The following AMOTL1 variants were observed in gnomAD, a reference collection of about 807,000 sequenced individuals.
AMOTL1 encodes the protein angiomotin like 1.
AMOTL1 carries 45 observed loss-of-function variants against 102.9 expected under a neutral mutation model. The observed-to-expected ratio is 0.44, with a 90% confidence interval of 0.34 to 0.56. The LOEUF is 0.56. Among genes scored for constraint, AMOTL1 ranks in the 20% least tolerant of loss-of-function variants. The pLI, the probability that AMOTL1 is intolerant of heterozygous loss-of-function variation, is 0.01. For synonymous variants in AMOTL1, 481 were observed against 484.7 expected (o/e 0.99, Z 0.10); for missense variants, 1,114 against 1,225.6 (o/e 0.91, Z 1.36).
At chr11:94,796,991 G>A (rs1318767472) in intron 2 of AMOTL1, 1 of 985,362 alleles carries the variant, frequency 1.0e-6, no homozygotes, top group African/African-American at 1.7e-5. Flanking sequence ...CGTGGCAGTT[G>A]ATTAAATGTG....
upstream of AMOTL1, among the ~76,000 whole-genome samples, chr11:94,764,160 TTG>T (rs1950827804): frequency 6.6e-6 from 1 of 152,180 alleles, no homozygotes; most frequent in Non-Finnish European, 1.5e-5. Flanking sequence ...CCATAATGCT[TTG>T]TGTCTAATCT....
chr11:94,859,604 A>G lies in AMOTL1; in HGVS notation c.2024A>G (p.Glu675Gly). 1 of 1,613,954 alleles carries G rather than the reference A, an allele frequency of 6.2e-7. No individual in the cohort carries two copies. ...CTGGAACTTGTGCGGGAGAAGGAGGAGCGGATCCTGGCCCTGGAGGCCGAC... is the reference window on the plus strand; with the variant it reads ...CTGGAACTTGTGCGGGAGAAGGAGGGGCGGATCCTGGCCCTGGAGGCCGAC... ...ALLELVREKEERILALEADMT... is the reference protein window; with the variant it reads ...ALLELVREKEGRILALEADMT... The change falls in exon 9 of 13, where the codon GAG becomes GGG. Residue 675 changes from glutamate to glycine, a missense_variant. Physicochemically the swap from Glu to Gly is moderately conservative, Grantham distance 98. Transcript: ENST00000433060.
At chr11:94,834,316 G>T (rs568824009) in intron 6 of AMOTL1, among the ~76,000 whole-genome samples, 1 of 152,220 alleles carries the variant, frequency 6.6e-6, no homozygotes, top group Non-Finnish European at 1.5e-5. Context: ...GGCCGGGCGC[G>T]GTGGCTCACG....
intron 2 of AMOTL1, among the ~76,000 whole-genome samples, chr11:94,733,103 T>TG (rs1179370787): frequency 6.6e-6 from 1 of 152,252 alleles, no homozygotes; most frequent in African/African-American, 2.4e-5. Flanking sequence ...AACTGAGTCT[T>TG]GCAAAGGCAA....
intron 4 of AMOTL1, among the ~76,000 whole-genome samples, chr11:94,826,731 T>TAGGC (rs1951972167): frequency 1.3e-5 from 2 of 152,114 alleles, no homozygotes; most frequent in African/African-American, 4.8e-5. Context: ...AGGCCCCACC[T>TAGGC]CCCAATGTCA....
intron 6 of AMOTL1, among the ~76,000 whole-genome samples, chr11:94,834,768 C>T (rs1184063660): frequency 1.3e-5 from 2 of 152,114 alleles, no homozygotes; most frequent in African/African-American, 4.8e-5. Flanking sequence ...AGTCTAAGAA[C>T]ACCCAAACAA....
intron 1 of AMOTL1, among the ~76,000 whole-genome samples, chr11:94,719,310 C>T (rs7350489): frequency 0.23 from 35,298 of 151,808 alleles, 5,105 homozygotes; most frequent in Middle Eastern, 0.32. Flanking sequence ...ACTCAAACCC[C>T]GACACTGTTT....
At chr11:94,748,988 A>T (rs933113470) in intron 3 of AMOTL1, among the ~76,000 whole-genome samples, 1 of 152,208 alleles carries the variant, frequency 6.6e-6, no homozygotes, top group Non-Finnish European at 1.5e-5. Flanking sequence ...TATGGGTTGC[A>T]TTAGGGTTCT....
chr11:94,794,451 GCAGAAGACCAGACCCCATTGCCC>G (rs1373491833), intron 1 of AMOTL1, among the ~76,000 whole-genome samples: 1 of 152,144 alleles, frequency 6.6e-6, no homozygotes, highest in Non-Finnish European at 1.5e-5. Flanking sequence ...CCAGTGCTTG[GCAGAAGACCAGACCCCATTGCCC>G]CAGCTCCACA....
Position 94,870,770 on chromosome 11 carries a change from G to T in AMOTL1, c.2846G>T (p.Gly949Val), listed in dbSNP as rs1334555385. 2.5e-6 allele frequency: 4 copies of T among 1,600,146 alleles called. No homozygotes were observed. The highest frequency in any genetic ancestry group is 8.5e-7 in the Non-Finnish European group (1 of 1,172,164). Residue 949 changes from glycine to valine, a missense_variant, in exon 13 of 13, where the codon GGA (glycine) becomes GTA (valine). Coordinates refer to ENST00000433060, the MANE Select transcript of AMOTL1 (RefSeq NM_130847.3). ...SLLHKPEFPD[G>V]EMMEVLI ...CTGCACAAGCCCGAGTTCCCTGATG[G>T]AGAGATGATGGAAGTCCTCATCTAA...
At chr11:94,712,716 T>C (rs1248450570) in intron 1 of AMOTL1, among the ~76,000 whole-genome samples, 7 of 152,018 alleles carry the variant, frequency 4.6e-5, no homozygotes. Flanking sequence ...TGTGAGTTCT[T>C]TATATATTCT....
In AMOTL1 at chr11:94,803,175, C is replaced by T. The variant is rs776388340; in HGVS notation, c.1121+2864C>T. ...CTCCTTTTTGCCTAGAGGTAGAAAG[C>T]TCCAAAGAGACAAGTGATAGAACTT... On this transcript the variant is annotated intron_variant, in intron 3 of 12. Coordinates refer to ENST00000433060, the MANE Select transcript of AMOTL1 (RefSeq NM_130847.3). 3.4e-4 allele frequency among the ~76,000 whole-genome samples: 51 copies of T among 152,186 alleles called. 1 individual carries two copies. The highest frequency in any genetic ancestry group is 1.5e-4 in the Non-Finnish European group (10 of 68,036).
At chr11:94,848,815 G>A (rs1398889168) in intron 6 of AMOTL1, among the ~76,000 whole-genome samples, 1 of 152,130 alleles carries the variant, frequency 6.6e-6, no homozygotes, top group East Asian at 1.9e-4. Context: ...ACATTTTTCT[G>A]CCCTGTTAGT....
chr11:94,751,186 T>C (rs1243401058), intron 3 of AMOTL1, among the ~76,000 whole-genome samples: 1 of 152,190 alleles, frequency 6.6e-6, no homozygotes, highest in Non-Finnish European at 1.5e-5. Flanking sequence ...ACGTATTTCT[T>C]GAACAAAAGA....
At chr11:94,846,486 AG>A (rs1192704625) in intron 6 of AMOTL1, among the ~76,000 whole-genome samples, 1 of 152,276 alleles carries the variant, frequency 6.6e-6, no homozygotes, top group Non-Finnish European at 1.5e-5. Flanking sequence ...TTACTACCTC[AG>A]TCACAGAACC....
chr11:94,771,627 C>G (rs554099719), intron 1 of AMOTL1, among the ~76,000 whole-genome samples: 24 of 152,202 alleles, frequency 1.6e-4, no homozygotes, highest in African/African-American at 5.5e-4. Context: ...GGGCAGTCCT[C>G]TACTTTTGCT....
intron 7 of AMOTL1, among the ~76,000 whole-genome samples, chr11:94,852,214 G>T (rs1208173714): frequency 3.9e-5 from 6 of 152,224 alleles, no homozygotes; most frequent in Non-Finnish European, 8.8e-5. Flanking sequence ...GAAAGGGCCA[G>T]ATGAAAATCA....
chr11:94,834,149 T>G (rs185301228), intron 6 of AMOTL1, among the ~76,000 whole-genome samples: 1 of 152,332 alleles, frequency 6.6e-6, no homozygotes, highest in African/African-American at 2.4e-5. Context: ...GTATATTTGT[T>G]CAGAAACCCT....
At chr11:94,720,943 T>G (rs1048019286) in intron 1 of AMOTL1, among the ~76,000 whole-genome samples, 4 of 152,102 alleles carry the variant, frequency 2.6e-5, no homozygotes, top group African/African-American at 4.8e-5. Flanking sequence ...AAGCATTAAG[T>G]CAGCCTTCAG....
Sources: allele counts gnomAD v4.1 joint callset (sites outside exome capture counted in the v4.1 genomes callset), GRCh38; gene constraint gnomAD v4.1.1; transcripts MANE v1.5; gene names NCBI Gene and HGNC (gene_info 2026-07-23, HGNC 2026-07-21).